The following DSCAML1 variants were observed in gnomAD, a reference collection of about 807,000 sequenced individuals.
The protein encoded by DSCAML1 is DS cell adhesion molecule like 1.
In DSCAML1, 38 loss-of-function variants were observed where a neutral mutation model predicts 200.5. The ratio of observed to expected loss-of-function variants is 0.19; its 90% CI spans 0.15 to 0.25. DSCAML1 has a LOEUF of 0.25. Ranked by LOEUF, DSCAML1 falls within the 10% of genes least tolerant of loss-of-function variation. The probability of loss-of-function intolerance (pLI) is 1.00; values close to 1 mark genes in which losing one functional copy is unlikely to be tolerated. For synonymous variants in DSCAML1, 1,215 were observed against 1,165.0 expected, an observed-to-expected ratio of 1.04 and a Z score of -0.87; for missense variants, 2,223 against 2,858.8, an observed-to-expected ratio of 0.78 and a Z score of 5.07.
Position 117,539,606 on chromosome 11 carries a change from C to CAAAAAAAAAAAAAAAAAAA in DSCAML1, c.512-7103_512-7085dup, listed in dbSNP as rs35130897. ...CTGGGCAACAAGAGTAAAACTCTGTCAAAAAAAAAAAAAAAAAAAAAAAAG... is the reference window on the plus strand; with the variant it reads ...CTGGGCAACAAGAGTAAAACTCTGTCAAAAAAAAAAAAAAAAAAAAAAAAAAAAAAAAAAAAAAAAAAAG... On this transcript the variant is annotated intron_variant, in intron 3 of 32. Transcript: ENST00000651296. 1.2e-3 allele frequency among the ~76,000 whole-genome samples: 64 copies of CAAAAAAAAAAAAAAAAAAA among 52,588 alleles called. 3 individuals carry two copies. Among genetic ancestry groups the CAAAAAAAAAAAAAAAAAAA allele is most frequent in the African/African-American group, 2.2e-3 (27 of 12,348 alleles). The allele number at this position is 52,588 out of a possible 152,430, so 34.5% of individuals were successfully genotyped here.
At chr11:117,529,511 T>C (rs2137335501) in intron 4 of DSCAML1, among the ~76,000 whole-genome samples, 1 of 152,330 alleles carries the variant, frequency 6.6e-6, no homozygotes, top group Admixed American at 6.5e-5. Context: ...CTAGTGAGTG[T>C]TGAGGCGGAG....
intron 4 of DSCAML1, among the ~76,000 whole-genome samples, chr11:117,531,155 C>T (rs188947118): frequency 1.1e-3 from 171 of 152,246 alleles, no homozygotes; most frequent in Non-Finnish European, 2.1e-3. Context: ...AAGCCTACCT[C>T]GAGGAGCGCC....
intron 3 of DSCAML1, among the ~76,000 whole-genome samples, chr11:117,726,554 T>C (rs1332623632): frequency 6.6e-6 from 1 of 152,178 alleles, no homozygotes. Flanking sequence ...CCCAGGTGTA[T>C]GTGACCATGA....
intron 3 of DSCAML1, among the ~76,000 whole-genome samples, chr11:117,545,813 A>G (rs2050363114): frequency 6.6e-6 from 1 of 152,216 alleles, no homozygotes; most frequent in South Asian, 2.1e-4. Flanking sequence ...TGCACCCTCA[A>G]TCAAAGACTC....
intron 3 of DSCAML1, among the ~76,000 whole-genome samples, chr11:117,694,816 G>A (rs1377982777): frequency 1.3e-5 from 2 of 152,224 alleles, no homozygotes; most frequent in Non-Finnish European, 2.9e-5. Context: ...AGATATGAAT[G>A]TATGATTTCC....
chr11:117,762,536 A>G (rs2054821734), intron 3 of DSCAML1, among the ~76,000 whole-genome samples: 1 of 152,104 alleles, frequency 6.6e-6, no homozygotes, highest in Non-Finnish European at 1.5e-5. Flanking sequence ...AATTGTTTCC[A>G]TGCTACATGG....
chr11:117,499,460 C>T (rs1286320732), intron 11 of DSCAML1, among the ~76,000 whole-genome samples: 5 of 152,154 alleles, frequency 3.3e-5, no homozygotes, highest in South Asian at 2.1e-4. Context: ...GGACAACTCA[C>T]GGATGCAGAG....
chr11:117,701,573 A>G (rs7101613), intron 3 of DSCAML1, among the ~76,000 whole-genome samples: 34,295 of 152,086 alleles, frequency 0.23, 5,072 homozygotes, highest in African/African-American at 0.42. Flanking sequence ...AAGAGCCACG[A>G]GGGCTGTGCA....
chr11:117,492,437 G>A (rs1349663104), intron 11 of DSCAML1, among the ~76,000 whole-genome samples: 2 of 152,208 alleles, frequency 1.3e-5, no homozygotes, highest in East Asian at 3.8e-4. Flanking sequence ...CCAAGGGACA[G>A]CAGGTACCCT....
At chr11:117,624,543 T>G (rs2052003078) in intron 3 of DSCAML1, among the ~76,000 whole-genome samples, 1 of 152,128 alleles carries the variant, frequency 6.6e-6, no homozygotes, top group South Asian at 2.1e-4. Context: ...TTTTTATGGC[T>G]TGAGTATGGG....
intron 8 of DSCAML1, among the ~76,000 whole-genome samples, chr11:117,506,083 C>T (rs919082258): frequency 7.2e-5 from 11 of 152,196 alleles, no homozygotes; most frequent in African/African-American, 2.7e-4. Context: ...CCTTCTCATC[C>T]CAGTGATGCA....
intron 3 of DSCAML1, among the ~76,000 whole-genome samples, chr11:117,690,393 C>T (rs2053474815): frequency 6.6e-6 from 1 of 152,212 alleles, no homozygotes; most frequent in Non-Finnish European, 1.5e-5. Context: ...TGGTAAGTGA[C>T]CACAGACCTC....
intron 3 of DSCAML1, among the ~76,000 whole-genome samples, chr11:117,711,113 C>T (rs1191379267): frequency 6.6e-6 from 1 of 152,196 alleles, no homozygotes; most frequent in Non-Finnish European, 1.5e-5. Context: ...AGGAGCCTCC[C>T]AGGACGGCAT....
At chr11:117,449,564 C>G (rs570094907) in intron 20 of DSCAML1, among the ~76,000 whole-genome samples, 16 of 152,284 alleles carry the variant, frequency 1.1e-4, no homozygotes, top group Admixed American at 1.0e-3. Context: ...ATCTGCAGAT[C>G]TCAGGCTGAT....
intron 8 of DSCAML1, among the ~76,000 whole-genome samples, chr11:117,507,832 C>A (rs1304373301): frequency 1.3e-5 from 2 of 152,198 alleles, no homozygotes; most frequent in African/African-American, 4.8e-5. Context: ...ATGGCCTGGA[C>A]CACCTCATCC....
intron 3 of DSCAML1, among the ~76,000 whole-genome samples, chr11:117,716,313 C>G (rs2053951791): frequency 6.6e-6 from 1 of 152,226 alleles, no homozygotes; most frequent in Admixed American, 6.5e-5. Context: ...AAGTTACGTT[C>G]CCTCTCTGGG....
At chr11:117,690,982 A>G (rs2053483319) in intron 3 of DSCAML1, among the ~76,000 whole-genome samples, 1 of 152,134 alleles carries the variant, frequency 6.6e-6, no homozygotes, top group East Asian at 1.9e-4. Flanking sequence ...AAACCTCCCT[A>G]GGGCTCCCGT....
chr11:117,498,198 G>A lies in DSCAML1; in HGVS notation c.2359+5647C>T, dbSNP rs1351258104. Among the ~76,000 whole-genome samples, 1 of 152,230 alleles carries A rather than the reference G, an allele frequency of 6.6e-6. No homozygotes were observed. Among genetic ancestry groups the A allele is most frequent in the Non-Finnish European group, 1.5e-5 (1 of 68,036 alleles). Reference sequence around the variant, plus strand: ...ACCGGGGAACACACAGGAATATCTTGGGCCAGTTGTTTGCCCTCTCTGGGG... The same window carrying A: ...ACCGGGGAACACACAGGAATATCTTAGGCCAGTTGTTTGCCCTCTCTGGGG... On this transcript the variant is annotated intron_variant, in intron 11 of 32. Coordinates refer to ENST00000651296, the MANE Select transcript of DSCAML1 (RefSeq NM_020693.4). This position sits in a 1 kb window ranked among gnomAD's most constrained non-coding sequence, Gnocchi z 4.0.
chr11:117,809,332 G>C (rs2055736445), intron 1 of DSCAML1, among the ~76,000 whole-genome samples: 1 of 152,250 alleles, frequency 6.6e-6, no homozygotes, highest in Admixed American at 6.5e-5. Flanking sequence ...AGGGAGGGGA[G>C]CCCTCCTCCC....
Sources: gnomAD v4.1 joint callset for allele counts (sites outside exome capture counted in the v4.1 genomes callset) on GRCh38, gnomAD v4.1.1 for gene constraint, Gnocchi (gnomAD v3.1) non-coding constraint, MANE v1.5 for transcripts, NCBI Gene and HGNC (gene_info 2026-07-23, HGNC 2026-07-21) for gene names.